The following ARNT2 variants were observed in gnomAD, a reference collection of about 807,000 sequenced individuals.
The protein encoded by ARNT2 is aryl hydrocarbon receptor nuclear translocator 2, also known as ARNT protein 2.
ARNT2 carries 36 observed loss-of-function variants against 91.7 expected under a neutral mutation model. That is an observed-to-expected ratio of 0.39 (90% CI 0.30 to 0.52). ARNT2 has a LOEUF of 0.52. ARNT2 is among the 20% of genes least tolerant of loss of function. The probability of loss-of-function intolerance (pLI) is 0.72; values close to 1 mark genes in which losing one functional copy is unlikely to be tolerated. For missense variants in ARNT2, 775 were observed against 939.3 expected, an observed-to-expected ratio of 0.83 and a Z score of 2.29; for synonymous variants, 365 against 347.1, an observed-to-expected ratio of 1.05 and a Z score of -0.57.
intron 1 of ARNT2, among the ~76,000 whole-genome samples, chr15:80,430,836 C>A (rs1895997230): frequency 6.6e-6 from 1 of 152,178 alleles, no homozygotes; most frequent in South Asian, 2.1e-4. Flanking sequence ...TCCAGGGCAG[C>A]AGTGGGCACA....
chr15:80,447,207 G>T (rs531472213), intron 1 of ARNT2, among the ~76,000 whole-genome samples: 1 of 152,214 alleles, frequency 6.6e-6, no homozygotes, highest in African/African-American at 2.4e-5. Context: ...AGCTATGTCT[G>T]TGTTAGGTCC....
chr15:80,504,287 T>C (rs540843386), intron 5 of ARNT2, among the ~76,000 whole-genome samples: 27 of 152,342 alleles, frequency 1.8e-4, no homozygotes, highest in Non-Finnish European at 3.2e-4. Flanking sequence ...TCTGTTTGAG[T>C]CTATTCTCAT....
At chr15:80,505,932 T>TTTG (rs1329597241) in intron 5 of ARNT2, among the ~76,000 whole-genome samples, 12 of 124,580 alleles carry the variant, frequency 9.6e-5, no homozygotes, top group African/African-American at 4.3e-4. Context: ...TTGTTGTTTT[T>TTTG]TTTTTTTTTT....
intron 5 of ARNT2, among the ~76,000 whole-genome samples, chr15:80,485,402 G>A (rs1013930112): frequency 2.6e-5 from 4 of 152,332 alleles, no homozygotes; most frequent in Admixed American, 6.5e-5. Flanking sequence ...CTTGGTGCAA[G>A]ACACTGTACT....
chr15:80,432,305 C>T (rs1408536737), intron 1 of ARNT2, among the ~76,000 whole-genome samples: 1 of 152,188 alleles, frequency 6.6e-6, no homozygotes, highest in South Asian at 2.1e-4. Context: ...TTTCTGGGAC[C>T]TGATGCTTAG....
intron 8 of ARNT2, among the ~76,000 whole-genome samples, chr15:80,523,911 A>G (rs932166229): frequency 6.6e-6 from 1 of 152,180 alleles, no homozygotes; most frequent in Non-Finnish European, 1.5e-5. Flanking sequence ...GCCGCATGAG[A>G]AATGATTGAA....
At chr15:80,571,404 T>TCC (rs1332857192) in intron 12 of ARNT2, among the ~76,000 whole-genome samples, 1 of 152,234 alleles carries the variant, frequency 6.6e-6, no homozygotes, top group Admixed American at 6.5e-5. Context: ...ACACTTGGAA[T>TCC]GAGAAAATCT....
chr15:80,588,955 T>C (rs1347913921), intron 17 of ARNT2, among the ~76,000 whole-genome samples: 1 of 152,194 alleles, frequency 6.6e-6, no homozygotes, highest in East Asian at 1.9e-4. Flanking sequence ...AGTACCAGCA[T>C]GGAGCCCACG....
At chr15:80,446,965 T>G (rs1004900973) in intron 1 of ARNT2, among the ~76,000 whole-genome samples, 1 of 152,168 alleles carries the variant, frequency 6.6e-6, no homozygotes, top group African/African-American at 2.4e-5. Flanking sequence ...TTGTGATCAC[T>G]CAATTGACAT....
chr15:80,410,253 C>T (rs1168656594), intron 1 of ARNT2, among the ~76,000 whole-genome samples: 2 of 152,214 alleles, frequency 1.3e-5, no homozygotes, highest in Admixed American at 6.5e-5. Flanking sequence ...GCACCAGTTA[C>T]TTCCCTGTCC....
At chr15:80,443,503 C>T (rs1896228058) in intron 1 of ARNT2, among the ~76,000 whole-genome samples, 1 of 152,080 alleles carries the variant, frequency 6.6e-6, no homozygotes, top group Non-Finnish European at 1.5e-5. Context: ...ATGGAGAGAC[C>T]TCTCGGAGGT....
At chr15:80,531,245 G>T (rs1037867811) in intron 8 of ARNT2, among the ~76,000 whole-genome samples, 1 of 152,188 alleles carries the variant, frequency 6.6e-6, no homozygotes, top group Non-Finnish European at 1.5e-5. Context: ...GTTTGCACAG[G>T]GTTAATGCAA....
At chr15:80,574,365 C>A (rs1898632804) in intron 13 of ARNT2, 145 bp downstream of exon 13, 12 of 736,094 alleles carry the variant, frequency 1.6e-5, no homozygotes, top group East Asian at 2.7e-5. Flanking sequence ...CCTACAGGTC[C>A]CCTGGGGGTC....
chr15:80,469,884 G>A (rs1306391826), intron 3 of ARNT2, among the ~76,000 whole-genome samples: 1 of 152,166 alleles, frequency 6.6e-6, no homozygotes, highest in East Asian at 1.9e-4. Context: ...CAAAGTGCTG[G>A]GACTGCAGAT....
chr15:80,581,452 GC>G, intron 17 of ARNT2, 48 bp downstream of exon 17: 1 of 1,609,596 alleles, frequency 6.2e-7, no homozygotes, highest in African/African-American at 1.3e-5. Flanking sequence ...CAGCACAAAT[GC>G]TTTCTGAACA....
chr15:80,531,358 G>C (rs1315701023), intron 8 of ARNT2, among the ~76,000 whole-genome samples: 1 of 152,168 alleles, frequency 6.6e-6, no homozygotes, highest in East Asian at 1.9e-4. Context: ...TATTACTCAG[G>C]ATTTACTTAG....
chr15:80,522,631 AT>A (rs1429281359), intron 8 of ARNT2, among the ~76,000 whole-genome samples: 2 of 152,096 alleles, frequency 1.3e-5, no homozygotes, highest in Non-Finnish European at 2.9e-5. Flanking sequence ...AATGGTGAGT[AT>A]TTGTATATCT....
At chr15:80,468,849 C>T (rs749329462) in intron 3 of ARNT2, among the ~76,000 whole-genome samples, 1 of 152,204 alleles carries the variant, frequency 6.6e-6, no homozygotes, top group Non-Finnish European at 1.5e-5. Context: ...GTGGATGGCT[C>T]AGGTCGCTCT....
chr15:80,490,653 G>A (rs1376390981), intron 5 of ARNT2, among the ~76,000 whole-genome samples: 1 of 152,248 alleles, frequency 6.6e-6, no homozygotes, highest in African/African-American at 2.4e-5. Context: ...CCCACAGCCT[G>A]GCCCAAGACT....
Sources: allele counts gnomAD v4.1 joint callset (sites outside exome capture counted in the v4.1 genomes callset), GRCh38; gene constraint gnomAD v4.1.1; transcripts MANE v1.5; gene names NCBI Gene and HGNC (gene_info 2026-07-23, HGNC 2026-07-21).